PRH1: variants seen among roughly 807,000 people sequenced by gnomAD.
PRH1 encodes the protein salivary acidic proline-rich phosphoprotein 1/2.
Under a neutral mutation model 7.9 loss-of-function variants are expected in PRH1, and 7 were observed. That is an observed-to-expected ratio of 0.89 (90% CI 0.50 to 1.67). The LOEUF (loss-of-function observed/expected upper bound fraction) is 1.67. PRH1 is among the 40% of genes most tolerant of loss of function. PRH1 has a pLI of 0.00. For synonymous variants in PRH1, 45 were observed against 80.8 expected, an observed-to-expected ratio of 0.56 and a Z score of 2.38; for missense variants, 109 against 223.6, an observed-to-expected ratio of 0.49 and a Z score of 3.27.
At chr12:10,932,550 T>C (rs748844681) in intron 2 of PRH1, among the ~76,000 whole-genome samples, 13 of 152,218 alleles carry the variant, frequency 8.5e-5, no homozygotes, top group African/African-American at 2.9e-4. Flanking sequence ...CATTTCCTGA[T>C]AGTCTAGTCA....
chr12:11,133,987 A>G, intron 1 of PRH1: 2 of 1,614,136 alleles, frequency 1.2e-6, no homozygotes, highest in South Asian at 1.1e-5. Context: ...CTGCCCAGAC[A>G]TTATAAGCAG....
intron 2 of PRH1, among the ~76,000 whole-genome samples, chr12:10,972,309 T>C (rs1194695420): frequency 6.6e-6 from 1 of 152,184 alleles, no homozygotes; most frequent in African/African-American, 2.4e-5. Context: ...CCTTAAACTC[T>C]ATGTGTACCT....
intron 2 of PRH1, chr12:10,938,707 A>G: frequency 1.2e-6 from 2 of 1,613,954 alleles, no homozygotes; most frequent in Non-Finnish European, 1.7e-6. Flanking sequence ...TACTTGAATC[A>G]GAACTGCAAG....
In PRH1 at chr12:11,171,365, C is replaced by T; in HGVS notation, n.39+57G>A. ...GCGGCGACACCTGGCTCATGGCCCC[C>T]GCGGCGGCTCCGTCCTCCTTGGCCG... On this transcript the variant is annotated intron_variant and non_coding_transcript_variant, in intron 1 of 1. Coordinates refer to the PRH1 transcript ENST00000541175. The T allele has an allele frequency of 3.2e-6, 4 of 1,231,810 alleles. No homozygotes were observed. In the South Asian group the frequency reaches 1.6e-4, roughly 51 times the overall value. 76.3% of individuals were successfully genotyped at this position (1,231,810 alleles called of 1,614,324 possible). A position where few individuals can be genotyped will look rare whatever the true frequency, so the allele number is the denominator to read the frequency against.
chr12:10,911,627 T>A (rs540110764), intron 2 of PRH1, among the ~76,000 whole-genome samples: 3 of 152,318 alleles, frequency 2.0e-5, no homozygotes, highest in Admixed American at 2.0e-4. Context: ...TTTTAAGGAA[T>A]ATTGACATTT....
chr12:11,131,978 T>C (rs139100464), intron 1 of PRH1, among the ~76,000 whole-genome samples: 174 of 152,316 alleles, frequency 1.1e-3, no homozygotes, highest in African/African-American at 3.9e-3. Context: ...ACAGACACGA[T>C]CTCTTCTTTT....
intron 2 of PRH1, chr12:10,937,549 C>A (rs904376932): frequency 6.6e-6 from 1 of 152,092 alleles, no homozygotes; most frequent in African/African-American, 2.4e-5. Flanking sequence ...CTAGAAAACA[C>A]TCCATTTGCA....
At chr12:11,150,266 T>G (rs1190964403) in intron 1 of PRH1, among the ~76,000 whole-genome samples, 1 of 151,826 alleles carries the variant, frequency 6.6e-6, no homozygotes. Context: ...GTGTGGCGAT[T>G]CCTCAGGGAT....
At chr12:11,026,199 T>A (rs572946812) in intron 1 of PRH1, among the ~76,000 whole-genome samples, 32 of 152,304 alleles carry the variant, frequency 2.1e-4, no homozygotes, top group African/African-American at 7.5e-4. Flanking sequence ...ACACACCAGC[T>A]AATTTTTTAA....
chr12:10,911,794 C>T (rs1014732597), intron 2 of PRH1, among the ~76,000 whole-genome samples: 3 of 152,038 alleles, frequency 2.0e-5, no homozygotes, highest in Non-Finnish European at 4.4e-5. Flanking sequence ...AGTTTAAATG[C>T]TATAGTATAA....
intron 2 of PRH1, among the ~76,000 whole-genome samples, chr12:10,950,649 A>G (rs1189702947): frequency 6.6e-6 from 1 of 151,996 alleles, no homozygotes; most frequent in Admixed American, 6.6e-5. Context: ...GTCATACCAG[A>G]GATATTTTCT....
intron 2 of PRH1, among the ~76,000 whole-genome samples, chr12:10,972,871 A>AAT (rs1938882963): frequency 6.6e-6 from 1 of 151,298 alleles, no homozygotes; most frequent in Non-Finnish European, 1.5e-5. Flanking sequence ...GGTTGCTGCT[A>AAT]ATACCTCTGT....
At chr12:11,043,733 A>G (rs1334851428) in intron 1 of PRH1, among the ~76,000 whole-genome samples, 1 of 152,180 alleles carries the variant, frequency 6.6e-6, no homozygotes, top group Admixed American at 6.5e-5. Context: ...TAACTCAACC[A>G]AAGAGATGAA....
rs535127639 is a variant in PRH1 at position 10,965,116 on chromosome 12, T to A, written c.-59+8539A>T. The A allele has an allele frequency of 3.6e-6, 5 of 1,375,256 alleles. No homozygotes were observed. In the East Asian group the frequency reaches 1.3e-4, roughly 37 times the overall value. 85.2% of individuals were successfully genotyped at this position (1,375,256 alleles called of 1,614,324 possible). A position where few individuals can be genotyped will look rare whatever the true frequency, so the allele number is the denominator to read the frequency against. On this transcript the variant is annotated intron_variant, in intron 2 of 3. Transcript: ENST00000539853. ...AGGCATTAATAGTAGTAATTCTTAC[T>A]CCTAAACTATATGAACCTGGATTCA...
intron 1 of PRH1, among the ~76,000 whole-genome samples, chr12:10,979,858 C>G (rs7964132): frequency 6.6e-6 from 1 of 152,138 alleles, no homozygotes; most frequent in East Asian, 1.9e-4. Flanking sequence ...TGTTTTTTGT[C>G]TAAATATCTG....
chr12:11,149,835 C>T (rs71453436), intron 1 of PRH1, among the ~76,000 whole-genome samples: 2 of 109,520 alleles, frequency 1.8e-5, no homozygotes, highest in Middle Eastern at 3.9e-3. Flanking sequence ...TCATTAAACT[C>T]AAGAGCTTCT....
chr12:10,908,509 T>C lies in PRH1; in HGVS notation c.-58-24234A>G, dbSNP rs768386640. On this transcript the variant is annotated intron_variant, in intron 2 of 3. Coordinates refer to the PRH1 transcript ENST00000539853. ...AAGACTCCAATCGTCTCACAAAGCA[T>C]GTAGATCACTGTGTTCTGATACAGC... 1 of 1,613,916 alleles carries C rather than the reference T, an allele frequency of 6.2e-7. No homozygotes were observed. Among genetic ancestry groups the C allele is most frequent in the Admixed American group, 1.7e-5 (1 of 59,936 alleles).
chr12:10,996,971 T>G, intron 1 of PRH1: 1 of 1,613,208 alleles, frequency 6.2e-7, no homozygotes, highest in Non-Finnish European at 8.5e-7. Context: ...GTTCTGTCCT[T>G]TTGCCCAGCA....
At chr12:11,050,631 TATTA>T (rs1400610126), upstream of PRH1, among the ~76,000 whole-genome samples, 4 of 38,146 alleles carry the variant, frequency 1.0e-4, no homozygotes, top group Non-Finnish European at 3.5e-4. Flanking sequence ...TTTGTTTAAA[TATTA>T]ATTATTTAAT....
Sources: gnomAD v4.1 joint callset for allele counts (sites outside exome capture counted in the v4.1 genomes callset) on GRCh38, gnomAD v4.1.1 for gene constraint, MANE v1.5 for transcripts, NCBI Gene and HGNC (gene_info 2026-07-23, HGNC 2026-07-21) for gene names.